The following HOMER2 variants were observed in gnomAD, a reference collection of about 807,000 sequenced individuals.
HOMER2 encodes homer protein homolog 2.
In HOMER2, 27 loss-of-function variants were observed where a neutral mutation model predicts 47.0. The observed-to-expected ratio is 0.57, with a 90% CI of 0.42 to 0.79. The LOEUF (loss-of-function observed/expected upper bound fraction) is 0.79. HOMER2 is among the 30% of genes least tolerant of loss of function. HOMER2 has a pLI of 0.00. For synonymous variants in HOMER2, 161 were observed against 163.8 expected (o/e 0.98, Z 0.13); for missense variants, 443 against 435.0 (o/e 1.02, Z -0.16).
intron 1 of HOMER2, among the ~76,000 whole-genome samples, chr15:82,980,676 A>G (rs2030361712): frequency 1.3e-5 from 2 of 152,228 alleles, no homozygotes; most frequent in Non-Finnish European, 2.9e-5. Flanking sequence ...GAAGTGGACA[A>G]TCATGAGAAA....
chr15:82,842,364 G>A (rs1567005121), exon 2 of HOMER2: 1 of 151,218 alleles, frequency 6.6e-6, no homozygotes, highest in Non-Finnish European at 1.5e-5. Context: ...GCCCAGGCTG[G>A]TGCTATCTCA....
At chr15:82,908,738 CTTT>C (rs139147445) in intron 1 of HOMER2, among the ~76,000 whole-genome samples, 7 of 134,438 alleles carry the variant, frequency 5.2e-5, no homozygotes, top group African/African-American at 1.9e-4. Flanking sequence ...AGCTGTTTTG[CTTT>C]TTTTTTAAAA....
At chr15:82,897,061 A>ATTTTTTTTTT (rs1489192383) in intron 1 of HOMER2, among the ~76,000 whole-genome samples, 1 of 46,008 alleles carries the variant, frequency 2.2e-5, no homozygotes, top group African/African-American at 5.9e-5. Flanking sequence ...ATTTGATGTC[A>ATTTTTTTTTT]TTTCTTTTTT....
At chr15:82,949,546 G>A (rs1262487225) in intron 1 of HOMER2, among the ~76,000 whole-genome samples, 1 of 152,164 alleles carries the variant, frequency 6.6e-6, no homozygotes, top group Non-Finnish European at 1.5e-5. Context: ...CAGAGGTGAG[G>A]CAGAAGCAAG....
intron 3 of HOMER2, among the ~76,000 whole-genome samples, chr15:82,873,697 G>A (rs754906312): frequency 1.3e-5 from 2 of 152,246 alleles, no homozygotes; most frequent in Non-Finnish European, 2.9e-5. Flanking sequence ...TCTGTAAGAG[G>A]GCGGCACAAG....
At chr15:82,966,806 A>G (rs923351858) in intron 1 of HOMER2, among the ~76,000 whole-genome samples, 1 of 152,232 alleles carries the variant, frequency 6.6e-6, no homozygotes, top group African/African-American at 2.4e-5. Context: ...GTGAGTGTGA[A>G]TGAAACTAAT....
At chr15:82,962,549 C>T (rs547403173) in intron 1 of HOMER2, among the ~76,000 whole-genome samples, 341 of 150,560 alleles carry the variant, frequency 2.3e-3, no homozygotes, top group Non-Finnish European at 2.9e-3. Context: ...TGGTGGCGTG[C>T]GCCTATAATC....
chr15:82,906,804 A>G (rs953540631), intron 1 of HOMER2, among the ~76,000 whole-genome samples: 2 of 152,214 alleles, frequency 1.3e-5, no homozygotes, highest in African/African-American at 4.8e-5. Context: ...CATACACCAT[A>G]TAACACTAGT....
rs1248268788 is a variant in HOMER2 at position 82,852,304 on chromosome 15, T to TA, written c.652-53_652-52insT. 168 of 1,265,614 alleles carry TA rather than the reference T, an allele frequency of 1.3e-4. No individual in the cohort carries two copies. The African/African-American group carries it at 2.0e-3, about 15-fold the overall frequency. The allele number at this position is 1,265,614 out of a possible 1,614,324, so 78.4% of individuals were successfully genotyped here. ...AGGGACGCCAGCTTAACATTAGTCA[T>TA]TAAGCAAGAGATCACCACAGCTATG... is the stretch of plus-strand genomic sequence containing the variant. On this transcript the variant is annotated intron_variant, in intron 6 of 8. Transcript: ENST00000450735.
At chr15:82,974,989 G>A (rs1238961344) in intron 1 of HOMER2, among the ~76,000 whole-genome samples, 1 of 152,182 alleles carries the variant, frequency 6.6e-6, no homozygotes, top group Non-Finnish European at 1.5e-5. Context: ...AGAATCACGT[G>A]AACCCAGGTG....
chr15:82,917,547 G>A (rs992825078), intron 1 of HOMER2, among the ~76,000 whole-genome samples: 3 of 152,240 alleles, frequency 2.0e-5, no homozygotes, highest in Non-Finnish European at 4.4e-5. Flanking sequence ...GTGCAAGCGG[G>A]GAAGATCCGC....
chr15:82,976,483 A>G (rs1468307039), intron 1 of HOMER2, among the ~76,000 whole-genome samples: 1 of 151,788 alleles, frequency 6.6e-6, no homozygotes, highest in Non-Finnish European at 1.5e-5. Context: ...TTTTTGGTAG[A>G]CACAGGGTTT....
intron 1 of HOMER2, among the ~76,000 whole-genome samples, chr15:82,896,457 G>C (rs1257051454): frequency 6.6e-6 from 1 of 152,204 alleles, no homozygotes. Flanking sequence ...TGAAGTCATG[G>C]TGAGCTGCCC....
chr15:82,920,083 A>G (rs912380558), intron 1 of HOMER2, among the ~76,000 whole-genome samples: 2 of 152,072 alleles, frequency 1.3e-5, no homozygotes, highest in Admixed American at 6.5e-5. Context: ...TCCACCTGTA[A>G]TTTGGAGTGA....
chr15:82,854,393 G>A (rs2051495571), intron 6 of HOMER2, among the ~76,000 whole-genome samples: 2 of 152,100 alleles, frequency 1.3e-5, no homozygotes, highest in East Asian at 1.9e-4. Flanking sequence ...GTGACAGAGC[G>A]AGACTCCATC....
At chr15:82,859,941 CA>C (rs1567018135) in intron 4 of HOMER2, among the ~76,000 whole-genome samples, 1 of 152,020 alleles carries the variant, frequency 6.6e-6, no homozygotes, top group African/African-American at 2.4e-5. Flanking sequence ...ATATATACAG[CA>C]GTACATATGA....
intron 1 of HOMER2, among the ~76,000 whole-genome samples, chr15:82,936,259 C>T (rs1490453232): frequency 6.6e-6 from 1 of 152,252 alleles, no homozygotes. Flanking sequence ...CACAACCACA[C>T]ATTCTAAAGT....
intron 2 of HOMER2, among the ~76,000 whole-genome samples, chr15:82,892,462 C>T (rs1003649231): frequency 3.3e-5 from 5 of 152,004 alleles, no homozygotes; most frequent in African/African-American, 7.3e-5. Context: ...TATAGGCCGT[C>T]GGCAGAATTA....
chr15:82,851,332 C>A (rs1030235778), intron 7 of HOMER2, 101 bp from the exon 8 acceptor site: 36 of 778,348 alleles, frequency 4.6e-5, no homozygotes, highest in Non-Finnish European at 7.2e-5. Context: ...AGCTTTGGGA[C>A]CCTGTCCTGT....
Sources: allele counts gnomAD v4.1 joint callset (sites outside exome capture counted in the v4.1 genomes callset), GRCh38; gene constraint gnomAD v4.1.1; transcripts MANE v1.5; gene names NCBI Gene and HGNC (gene_info 2026-07-23, HGNC 2026-07-21).